Variants in SS18L2 observed in about 807,000 individuals in gnomAD.
The protein encoded by SS18L2 is SS18-like protein 2.
Under a neutral mutation model 10.3 loss-of-function variants are expected in SS18L2, and 8 were observed. That is an observed-to-expected ratio of 0.78 (90% CI 0.46 to 1.41). The LOEUF is 1.41. Ranked by LOEUF, SS18L2 falls within the 40% of genes most tolerant of loss-of-function variation. The pLI is 0.00. For synonymous variants in SS18L2, 41 were observed against 34.6 expected (o/e 1.19, Z -0.65); for missense variants, 100 against 96.2 (o/e 1.04, Z -0.17).
At chr3:42,592,567 C>G (rs939472243) in intron 2 of SS18L2, among the ~76,000 whole-genome samples, 4 of 152,274 alleles carry the variant, frequency 2.6e-5, no homozygotes, top group Non-Finnish European at 5.9e-5. Flanking sequence ...ACAATCCCTA[C>G]CCCCTAGAAA....
At chr3:42,593,444 TATGG>T (rs1343829895) in intron 2 of SS18L2, among the ~76,000 whole-genome samples, 2 of 152,064 alleles carry the variant, frequency 1.3e-5, no homozygotes, top group East Asian at 3.9e-4. Flanking sequence ...AAGTATATGA[TATGG>T]AAGGCTGTGT....
upstream of SS18L2, chr3:42,590,782 A>T (rs940222345): frequency 9.5e-6 from 10 of 1,048,726 alleles, no homozygotes; most frequent in African/African-American, 4.7e-5. Context: ...GTCACAAATG[A>T]CGTCCCTTCT....
At chr3:42,594,141 A>G (rs586082) in intron 2 of SS18L2, among the ~76,000 whole-genome samples, 67,641 of 152,124 alleles carry the variant, frequency 0.44, 17,392 homozygotes, top group African/African-American at 0.7. Flanking sequence ...TCAGGCTGTT[A>G]TGTGGAGAAT....
In SS18L2 at chr3:42,596,077, A is replaced by G. The variant is rs1321609923; in HGVS notation, c.*1568A>G. Among the ~76,000 whole-genome samples, 1 of 150,908 alleles carries G rather than the reference A, an allele frequency of 6.6e-6. No homozygotes were observed. The highest frequency in any genetic ancestry group is 2.4e-5 in the African/African-American group (1 of 41,002). ...ACGGAATCTCGCTCTGTCGGAGTGC[A>G]GTGGTGCAATTTTGGCTCACTGCAA... On this transcript the variant is annotated 3_prime_UTR_variant, in exon 3 of 3. Transcript: ENST00000011691.
intron 2 of SS18L2, among the ~76,000 whole-genome samples, chr3:42,594,199 A>G (rs1044175333): frequency 6.6e-6 from 1 of 152,262 alleles, no homozygotes; most frequent in African/African-American, 2.4e-5. Context: ...GTCTACTGCA[A>G]TAGTTCAAGC....
Position 42,596,224 on chromosome 3 carries a change from G to A in SS18L2, c.*1715G>A, listed in dbSNP as rs1399330886. On this transcript the variant is annotated 3_prime_UTR_variant, in exon 3 of 3. Transcript: ENST00000011691. The stretch of plus-strand genomic sequence containing the variant: ...TTTAGTAGAGACGGGGTTTCTCCAT[G>A]TTGGTCAGGCTGGTCTCGTACTCAC... Among the ~76,000 whole-genome samples, 3 of 152,066 alleles carry A rather than the reference G, an allele frequency of 2.0e-5. No homozygotes were observed. The highest frequency in any genetic ancestry group is 2.0e-4 in the Admixed American group (3 of 15,266).
chr3:42,583,276 G>A (rs1704494314), intron 1 of SS18L2, among the ~76,000 whole-genome samples: 1 of 152,222 alleles, frequency 6.6e-6, no homozygotes, highest in Non-Finnish European at 1.5e-5. Context: ...AGAGAGAATG[G>A]AGCTGGAGTG....
intron 1 of SS18L2, 61 bp from the exon 2 acceptor site, chr3:42,591,464 G>T: frequency 7.8e-7 from 1 of 1,284,392 alleles, no homozygotes; most frequent in East Asian, 2.3e-5. Flanking sequence ...AAGGGCCGGG[G>T]TTACAGGCGT....
rs1270847478 is a variant in SS18L2 at position 42,591,621 on chromosome 3, C to T, written c.146+20C>T. The T allele has an allele frequency of 3.2e-6, 5 of 1,573,408 alleles. No homozygotes were observed. The highest frequency in any genetic ancestry group is 1.3e-5 in the African/African-American group (1 of 74,198). On this transcript the variant is annotated intron_variant, in intron 2 of 2. Coordinates refer to ENST00000011691, the MANE Select transcript of SS18L2 (RefSeq NM_001370300.1). ...CGTGCAGTAAGTACCCCCACCCCCG[C>T]GCCCCTGACCTGTGGGTAGAGGGGA...
chr3:42,594,872 C>G lies in SS18L2; in HGVS notation c.*363C>G, dbSNP rs114819777. 8.4e-4 allele frequency: 139 copies of G among 165,670 alleles called. 1 individual carries two copies. The highest frequency in any genetic ancestry group is 3.2e-3 in the African/African-American group (134 of 42,000). The allele number at this position is 165,670 out of a possible 1,614,324, so 10.3% of individuals were successfully genotyped here. ...GTGTTGGGCAGGAATTGGTGAGATT[C>G]CTGACTTGATACCTTGCTAAATGGA... On this transcript the variant is annotated 3_prime_UTR_variant, in exon 3 of 3. Coordinates refer to ENST00000011691, the MANE Select transcript of SS18L2 (RefSeq NM_001370300.1).
In SS18L2 at chr3:42,591,716, G is replaced by C. The variant is rs928285150; in HGVS notation, c.146+115G>C. On this transcript the variant is annotated intron_variant, in intron 2 of 2. Transcript: ENST00000011691. ...ATTGATCGCAGTTAAGCCCCTCTTTGAACTGAGGAAAGAGAGGCTCAAAGA... is the reference window on the plus strand; with the variant it reads ...ATTGATCGCAGTTAAGCCCCTCTTTCAACTGAGGAAAGAGAGGCTCAAAGA... 1.6e-5 allele frequency: 12 copies of C among 762,124 alleles called. No homozygotes were observed. The Admixed American group carries it at 2.5e-4, about 16-fold the overall frequency. 47.2% of individuals were successfully genotyped at this position (762,124 alleles called of 1,614,324 possible). A position where few individuals can be genotyped will look rare whatever the true frequency, so the allele number is the denominator to read the frequency against.
At chr3:42,592,799 G>T (rs965195481) in intron 2 of SS18L2, among the ~76,000 whole-genome samples, 19 of 152,106 alleles carry the variant, frequency 1.2e-4, no homozygotes, top group South Asian at 1.2e-3. Flanking sequence ...TCCTAGTGGG[G>T]TTTTTCAATT....
chr3:42,591,374 T>C, intron 1 of SS18L2, 151 bp from the exon 2 acceptor site: 1 of 621,450 alleles, frequency 1.6e-6, no homozygotes, highest in Non-Finnish European at 2.9e-6. Flanking sequence ...AATTTTTGTA[T>C]TTTTAGTATG....
chr3:42,581,928 T>TCGGCCCAGGTCACCGG (rs1292563259), exon 1 of SS18L2: 101 of 152,358 alleles, frequency 6.6e-4, no homozygotes, highest in African/African-American at 2.2e-3. Context: ...CCGGGAGGGC[T>TCGGCCCAGGTCACCGG]CGGCCCAGGT....
intron 2 of SS18L2, among the ~76,000 whole-genome samples, chr3:42,592,667 G>A (rs1157216071): frequency 6.6e-6 from 1 of 152,132 alleles, no homozygotes; most frequent in Non-Finnish European, 1.5e-5. Context: ...CTGGCATTTG[G>A]TAATTTGATT....
chr3:42,591,580 G>T lies in SS18L2; in HGVS notation c.125G>T (p.Gly42Val). ...IRCIVEYQNKGRGNECVQYQH... is the reference protein window; with the variant it reads ...IRCIVEYQNKVRGNECVQYQH... ...TGTATTGTGGAGTATCAGAACAAGG[G>T]CCGCGGGAACGAGTGCGTGCAGTAA... is the stretch of plus-strand genomic sequence containing the variant. Residue 42 changes from glycine to valine, a missense_variant, in exon 2 of 3, where the codon GGC becomes GTC. Transcript: ENST00000011691. 4 of 1,613,906 alleles carry T rather than the reference G, an allele frequency of 2.5e-6. No individual in the cohort carries two copies. Among genetic ancestry groups the T allele is most frequent in the Non-Finnish European group, 3.4e-6 (4 of 1,179,782 alleles).
chr3:42,589,231 T>C (rs1704727266), upstream of SS18L2, among the ~76,000 whole-genome samples: 2 of 151,554 alleles, frequency 1.3e-5, no homozygotes, highest in South Asian at 4.2e-4. Flanking sequence ...ATCACACCAC[T>C]GCACTCCAGC....
chr3:42,591,292 G>A, intron 1 of SS18L2: 1 of 580,194 alleles, frequency 1.7e-6, no homozygotes, highest in Non-Finnish European at 3.1e-6. Context: ...ACCGCTTCCT[G>A]GCTTCAAGCG....
Position 42,590,866 on chromosome 3 carries a change from C to A in SS18L2, c.-32C>A. ...GCCCCACCTATCGTGGGTCGAGTTG[C>A]TTGGCGGTCGTGGTTCCGGAGGTTC... On this transcript the variant is annotated 5_prime_UTR_variant, in exon 1 of 3. Coordinates refer to ENST00000011691, the MANE Select transcript of SS18L2 (RefSeq NM_001370300.1). 6.2e-7 allele frequency: 1 copy of A among 1,612,532 alleles called. No individual in the cohort carries two copies. The highest frequency in any genetic ancestry group is 8.5e-7 in the Non-Finnish European group (1 of 1,178,634).
Sources: allele counts gnomAD v4.1 joint callset (sites outside exome capture counted in the v4.1 genomes callset), GRCh38; gene constraint gnomAD v4.1.1; transcripts MANE v1.5; gene names NCBI Gene and HGNC (gene_info 2026-07-23, HGNC 2026-07-21).